Variants in SMARCC1 observed in about 807,000 individuals in gnomAD.
SMARCC1 encodes SWI/SNF related BAF chromatin remodeling complex subunit C1.
Under a neutral mutation model 147.4 loss-of-function variants are expected in SMARCC1, and 43 were observed. That is an observed-to-expected ratio of 0.29 (90% CI 0.23 to 0.38). The LOEUF is 0.38. SMARCC1 is among the 10% of genes least tolerant of loss of function. The pLI is 1.00. For missense variants in SMARCC1, 1,119 were observed against 1,381.1 expected, an observed-to-expected ratio of 0.81 and a Z score of 3.01; for synonymous variants, 495 against 484.4, an observed-to-expected ratio of 1.02 and a Z score of -0.29.
intron 21 of SMARCC1, among the ~76,000 whole-genome samples, chr3:47,660,739 G>C (rs2033334706): frequency 6.6e-6 from 1 of 152,176 alleles, no homozygotes; most frequent in African/African-American, 2.4e-5. Flanking sequence ...AAGGAATGGG[G>C]AGTGACCACT....
At chr3:47,734,403 C>T (rs557271548) in intron 5 of SMARCC1, among the ~76,000 whole-genome samples, 9 of 152,172 alleles carry the variant, frequency 5.9e-5, no homozygotes, top group South Asian at 2.1e-4. Context: ...TATAATTGTA[C>T]GCAGTATTAG....
intron 3 of SMARCC1, among the ~76,000 whole-genome samples, chr3:47,740,383 G>A (rs7622667): frequency 0.01 from 1,532 of 151,480 alleles, 23 homozygotes; most frequent in African/African-American, 0.035. Context: ...CTTTAGTAGA[G>A]ACGGGGTTTC....
At position 47,585,601 on chromosome 3, in the gene SMARCC1, T is replaced by C. The variant is rs2032059671; in HGVS notation, c.*2608A>G. 6.6e-6 allele frequency: 1 copy of C among 152,202 alleles called. No individual in the cohort carries two copies. The highest frequency in any genetic ancestry group is 1.5e-5 in the Non-Finnish European group (1 of 68,036). The allele number at this position is 152,202 out of a possible 1,614,324, so 9.4% of individuals were successfully genotyped here. A position where few individuals can be genotyped will look rare whatever the true frequency, so the allele number is the denominator to read the frequency against. On this transcript the variant is annotated 3_prime_UTR_variant, in exon 28 of 28. Coordinates refer to ENST00000254480, the MANE Select transcript of SMARCC1 (RefSeq NM_003074.4). ...GTCTAAACTGCATCCTGACAAACAT[T>C]ATCCCATTCACCAAGCAAAGCTATT...
At chr3:47,734,424 T>C (rs1194225974) in intron 5 of SMARCC1, among the ~76,000 whole-genome samples, 1 of 152,190 alleles carries the variant, frequency 6.6e-6, no homozygotes, top group Non-Finnish European at 1.5e-5. Context: ...AAACATTAAC[T>C]TTCAGAACAT....
intron 3 of SMARCC1, among the ~76,000 whole-genome samples, chr3:47,741,190 G>A (rs529587502): frequency 1.3e-5 from 2 of 151,936 alleles, no homozygotes; most frequent in African/African-American, 4.8e-5. Context: ...TCAGTAGAGC[G>A]GGAGGTACTT....
At position 47,722,979 on chromosome 3, in the gene SMARCC1, A is replaced by G. The variant is rs569255700; in HGVS notation, c.647-2244T>C. Reference sequence around the variant, plus strand: ...GGGGATGACTGAATAATTGCAAGAAACACTGGGGTACAGAGGTTGTCTCTA... The same window carrying G: ...GGGGATGACTGAATAATTGCAAGAAGCACTGGGGTACAGAGGTTGTCTCTA... On this transcript the variant is annotated intron_variant, in intron 6 of 27. Transcript: ENST00000254480. Among the ~76,000 whole-genome samples, 9 of 152,286 alleles carry G rather than the reference A, an allele frequency of 5.9e-5. No homozygotes were observed. The South Asian group carries it at 1.9e-3, about 32-fold the overall frequency.
intron 2 of SMARCC1, 63 bp downstream of exon 2, chr3:47,772,754 T>C: frequency 7.0e-7 from 1 of 1,430,784 alleles, no homozygotes; most frequent in Non-Finnish European, 9.4e-7. Flanking sequence ...AAAAGCTGGA[T>C]GCTACACCTA....
At chr3:47,697,498 C>T (rs2033867910) in intron 11 of SMARCC1, among the ~76,000 whole-genome samples, 1 of 151,160 alleles carries the variant, frequency 6.6e-6, no homozygotes, top group Non-Finnish European at 1.5e-5. Flanking sequence ...GCTCTGGTTT[C>T]AACTTGTTGG....
chr3:47,645,066 C>T (rs2033100624), intron 21 of SMARCC1, among the ~76,000 whole-genome samples: 1 of 152,180 alleles, frequency 6.6e-6, no homozygotes, highest in Middle Eastern at 3.4e-3. Context: ...TGGTGGTTCA[C>T]TAGAGACTAG....
At chr3:47,664,960 A>G (rs1325913763) in intron 19 of SMARCC1, among the ~76,000 whole-genome samples, 1 of 152,096 alleles carries the variant, frequency 6.6e-6, no homozygotes, top group African/African-American at 2.4e-5. Context: ...AGTTGTCTCC[A>G]TGTTTACTTT....
chr3:47,755,989 TAAAAAAAAAAAAAA>T lies in SMARCC1; in HGVS notation c.316-10010_316-9997del, dbSNP rs34001771. On this transcript the variant is annotated intron_variant, in intron 2 of 27. Transcript: ENST00000254480. Reference sequence around the variant, plus strand: ...CGGGTGACAGAGCCAGGCTTCATCTTAAAAAAAAAAAAAAAAAAAAAAAAAAAAAAAGGCTGGGC... The same window carrying T: ...CGGGTGACAGAGCCAGGCTTCATCTTAAAAAAAAAAAAAAAAAGGCTGGGC... Among the ~76,000 whole-genome samples the T allele has an allele frequency of 9.3e-3, 214 of 22,932 alleles. 2 individuals carry two copies. The highest frequency in any genetic ancestry group is 0.032 in the African/African-American group (190 of 6,022). The allele number at this position is 22,932 out of a possible 152,430, so 15.0% of individuals were successfully genotyped here. A position where few individuals can be genotyped will look rare whatever the true frequency, so the allele number is the denominator to read the frequency against.
chr3:47,769,380 G>A (rs1317316660), intron 2 of SMARCC1, among the ~76,000 whole-genome samples: 1 of 151,712 alleles, frequency 6.6e-6, no homozygotes, highest in African/African-American at 2.4e-5. Context: ...GCCGGGCGCA[G>A]TGGCAGGTGC....
intron 18 of SMARCC1, among the ~76,000 whole-genome samples, chr3:47,671,719 G>C (rs985355339): frequency 6.6e-6 from 1 of 152,128 alleles, no homozygotes; most frequent in Admixed American, 6.5e-5. Flanking sequence ...TAGTATAGCT[G>C]ATACTATCAT....
intron 7 of SMARCC1, among the ~76,000 whole-genome samples, chr3:47,720,224 A>C (rs1559653964): frequency 1.3e-5 from 2 of 152,096 alleles, no homozygotes; most frequent in Non-Finnish European, 2.9e-5. Context: ...CCCGGGTTCA[A>C]GGGATTCTCC....
At chr3:47,761,518 C>T (rs2034772531) in intron 2 of SMARCC1, among the ~76,000 whole-genome samples, 1 of 151,678 alleles carries the variant, frequency 6.6e-6, no homozygotes, top group Non-Finnish European at 1.5e-5. Flanking sequence ...CCATGTTCTA[C>T]AGAGATCTGT....
Position 47,726,061 on chromosome 3 carries a change from C to CAAAAAAAAAAAAAAAA in SMARCC1, c.646+2948_646+2963dup, listed in dbSNP as rs546659321. ...TGGGTAGAAGAGTGAGACTCTGTCT[C>CAAAAAAAAAAAAAAAA]AAAAAAAAAAAAAAAAAAAAGGTGA... On this transcript the variant is annotated intron_variant, in intron 6 of 27. Coordinates refer to ENST00000254480, the MANE Select transcript of SMARCC1 (RefSeq NM_003074.4). 9.3e-3 allele frequency among the ~76,000 whole-genome samples: 470 copies of CAAAAAAAAAAAAAAAA among 50,746 alleles called. 81 individuals are homozygous for CAAAAAAAAAAAAAAAA. Among genetic ancestry groups the CAAAAAAAAAAAAAAAA allele is most frequent in the Non-Finnish European group, 0.011 (319 of 28,940 alleles). The allele number at this position is 50,746 out of a possible 152,430, so 33.3% of individuals were successfully genotyped here. A position where few individuals can be genotyped will look rare whatever the true frequency, so the allele number is the denominator to read the frequency against.
rs200178747 is a variant in SMARCC1, at chr3:47,610,139, C to A, written c.2970G>T (p.Met990Ile). Residue 990 changes from methionine to isoleucine, a missense_variant, in exon 26 of 28, where the codon ATG becomes ATT. Physicochemically the swap from Met to Ile is conservative, Grantham distance 10. Coordinates refer to ENST00000254480, the MANE Select transcript of SMARCC1 (RefSeq NM_003074.4). Reference sequence around the variant, plus strand: ...AGGGAGGGGGCTGTTGATGAGGCATCATGCCAGGGTGCCCTGCTGCTCCAA... The same window carrying A: ...AGGGAGGGGGCTGTTGATGAGGCATAATGCCAGGGTGCCCTGCTGCTCCAA... ...APLGAAGHPG[M>I]MPHQQPPPYP... 108 of 1,613,718 alleles carry A rather than the reference C, an allele frequency of 6.7e-5. No individual in the cohort carries two copies. Among genetic ancestry groups the A allele is most frequent in the Non-Finnish European group, 9.0e-5 (106 of 1,180,040 alleles).
At chr3:47,704,488 G>A (rs2033965949) in intron 10 of SMARCC1, among the ~76,000 whole-genome samples, 1 of 152,094 alleles carries the variant, frequency 6.6e-6, no homozygotes, top group African/African-American at 2.4e-5. Context: ...GCCTCCTAGA[G>A]ATCACATCTT....
At chr3:47,701,771 G>T in intron 10 of SMARCC1, 1 of 169,524 alleles carries the variant, frequency 5.9e-6, no homozygotes, top group South Asian at 1.5e-4. Flanking sequence ...CTGAGATGGC[G>T]CCAGTGCACT....
Sources: gnomAD v4.1 joint callset for allele counts (sites outside exome capture counted in the v4.1 genomes callset) on GRCh38, gnomAD v4.1.1 for gene constraint, MANE v1.5 for transcripts, NCBI Gene and HGNC (gene_info 2026-07-23, HGNC 2026-07-21) for gene names.